The following CR2 variants were observed in gnomAD, a reference collection of about 807,000 sequenced individuals.
The protein encoded by CR2 is complement receptor type 2.
CR2 carries 96 observed loss-of-function variants against 123.0 expected under a neutral mutation model. The observed-to-expected ratio is 0.78, with a 90% CI of 0.66 to 0.93. The LOEUF is 0.93. Ranked by LOEUF, CR2 falls within the 40% of genes least tolerant of loss-of-function variation. CR2 has a pLI of 0.00. For synonymous variants in CR2, 484 were observed against 469.5 expected, an observed-to-expected ratio of 1.03 and a Z score of -0.40; for missense variants, 1,258 against 1,361.0, an observed-to-expected ratio of 0.92 and a Z score of 1.19.
chr1:207,483,477 A>G (rs1400476374), intron 18 of CR2, among the ~76,000 whole-genome samples: 1 of 152,078 alleles, frequency 6.6e-6, no homozygotes, highest in Non-Finnish European at 1.5e-5. Flanking sequence ...AGTGTGTACC[A>G]CACAACCCTG....
At position 207,469,951 on chromosome 1, in the gene CR2, A is replaced by C; in HGVS notation, c.1074A>C (p.Arg358Ser). 1 of 1,613,960 alleles carries C rather than the reference A, an allele frequency of 6.2e-7. No individual in the cohort carries two copies. Among genetic ancestry groups the C allele is most frequent in the East Asian group, 2.2e-5 (1 of 44,866 alleles). The change falls in exon 6 of 20, where the codon AGA becomes AGC. Residue 358 changes from arginine (R) to serine (S), a missense_variant. Transcript: ENST00000367057. ...AGTGTCCACATCCCCAGATCCTAAG[A>C]GGCCGAATGGTATCTGGGCAGAAAG... is the stretch of plus-strand genomic sequence containing the variant. ...AVQCPHPQIL[R>S]GRMVSGQKDR...
At chr1:207,481,602 C>T (rs921205637) in intron 18 of CR2, among the ~76,000 whole-genome samples, 2 of 151,998 alleles carry the variant, frequency 1.3e-5, no homozygotes, top group Non-Finnish European at 2.9e-5. Context: ...ATAGGAAGTG[C>T]CTTAAACCTA....
chr1:207,461,816 C>T (rs1459597713), intron 1 of CR2, among the ~76,000 whole-genome samples: 1 of 152,078 alleles, frequency 6.6e-6, no homozygotes, highest in African/African-American at 2.4e-5. Flanking sequence ...GTAATAGAGG[C>T]ATATTTGGGT....
At chr1:207,471,867 A>G in intron 9 of CR2, 1 of 323,516 alleles carries the variant, frequency 3.1e-6, no homozygotes, top group Non-Finnish European at 6.0e-6. Flanking sequence ...GAGACCTTGG[A>G]CCACTTGTAC....
In CR2 at chr1:207,472,966, C is replaced by G; in HGVS notation, c.1765C>G (p.Pro589Ala). The part of the protein sequence containing the change: ...NDQERGTWSG[P>A]APLCKLSLLA... ...TCAAGAAAGAGGCACCTGGAGTGGC[C>G]CTGCTCCCCTGTGTAAACTTTCCCT... is the stretch of plus-strand genomic sequence containing the variant. The change falls in exon 10 of 20, where the codon CCT (proline) becomes GCT (alanine). Residue 589 changes from proline to alanine, a missense_variant. Physicochemically the swap from Pro to Ala is conservative, Grantham distance 27. Transcript: ENST00000367057. 1 of 1,613,962 alleles carries G rather than the reference C, an allele frequency of 6.2e-7. No homozygotes were observed. The highest frequency in any genetic ancestry group is 8.5e-7 in the Non-Finnish European group (1 of 1,179,912).
rs145694964 is a variant in CR2 at position 207,489,392 on chromosome 1, A to G, written c.*269A>G. On this transcript the variant is annotated 3_prime_UTR_variant, in exon 20 of 20. Coordinates refer to ENST00000367057, the MANE Select transcript of CR2 (RefSeq NM_001006658.3). ...TGAAGCCAGGCCATGGCTATAAACA[A>G]TTACATGGCTCTAAAAAGTTTTGCC... 1.9e-4 allele frequency: 29 copies of G among 152,374 alleles called. No individual in the cohort carries two copies. Among genetic ancestry groups the G allele is most frequent in the African/African-American group, 7.0e-4 (29 of 41,592 alleles). The allele number at this position is 152,374 out of a possible 1,614,324, so 9.4% of individuals were successfully genotyped here. A position where few individuals can be genotyped will look rare whatever the true frequency, so the allele number is the denominator to read the frequency against.
intron 1 of CR2, among the ~76,000 whole-genome samples, chr1:207,456,670 G>T (rs1235473273): frequency 2.0e-5 from 3 of 152,156 alleles, no homozygotes; most frequent in Non-Finnish European, 4.4e-5. Flanking sequence ...AAACAAGAAT[G>T]CTCCCATTTT....
chr1:207,467,448 G>C (rs1286315456), intron 2 of CR2, among the ~76,000 whole-genome samples: 1 of 152,040 alleles, frequency 6.6e-6, no homozygotes. Context: ...TTTGAAAATA[G>C]GGACCTACTG....
chr1:207,456,943 C>T (rs558691175), intron 1 of CR2, among the ~76,000 whole-genome samples: 4 of 152,342 alleles, frequency 2.6e-5, no homozygotes, highest in African/African-American at 9.6e-5. Context: ...GCTCTTCCTA[C>T]AAATTATTCT....
chr1:207,469,759 T>A lies in CR2; in HGVS notation c.882T>A (p.Asn294Lys), dbSNP rs980443479. The A allele has an allele frequency of 6.2e-7, 1 of 1,613,968 alleles. No homozygotes were observed. The highest frequency in any genetic ancestry group is 2.2e-5 in the East Asian group (1 of 44,880). Reference sequence around the variant, plus strand: ...GACATATAGGCAACTCACTAGCAAATGTCTCATATGGAAGCATAGTCACTT... The same window carrying A: ...GACATATAGGCAACTCACTAGCAAAAGTCTCATATGGAAGCATAGTCACTT... Reference protein sequence around the residue: ...NGRHIGNSLANVSYGSIVTYT... With the variant: ...NGRHIGNSLAKVSYGSIVTYT... The change falls in exon 6 of 20, where the codon AAT becomes AAA. Residue 294 changes from asparagine to lysine, a missense_variant. Physicochemically the swap from Asn to Lys is moderately conservative, Grantham distance 94 (BLOSUM62 0). Transcript: ENST00000367057.
Position 207,466,603 on chromosome 1 carries a change from G to A in CR2, c.136G>A (p.Val46Met), listed in dbSNP as rs777733651. ...YYSTPIAVGT[V>M]IRYSCSGTFR... The stretch of plus-strand genomic sequence containing the variant: ...TTCTACCCCCATTGCTGTTGGTACC[G>A]TGATAAGGTACAGTTGTTCAGGTAC... The change falls in exon 2 of 20, where the codon GTG becomes ATG. Residue 46 changes from valine to methionine, a missense_variant. Val to Met is a conservative substitution (Grantham distance 21, BLOSUM62 1). Transcript: ENST00000367057. 18 of 1,613,718 alleles carry A rather than the reference G, an allele frequency of 1.1e-5. No homozygotes were observed. The highest frequency in any genetic ancestry group is 4.5e-5 in the East Asian group (2 of 44,898).
chr1:207,483,681 A>C (rs1467900197), intron 18 of CR2, among the ~76,000 whole-genome samples: 1 of 151,992 alleles, frequency 6.6e-6, no homozygotes, highest in Non-Finnish European at 1.5e-5. Flanking sequence ...AGGCACATAG[A>C]ATGGCTCACA....
Position 207,484,946 on chromosome 1 carries a change from T to C in CR2, c.3189-518T>C, listed in dbSNP as rs73072593. 3.7e-3 allele frequency among the ~76,000 whole-genome samples: 571 copies of C among 152,340 alleles called. 6 individuals carry two copies. The highest frequency in any genetic ancestry group is 0.013 in the African/African-American group (533 of 41,584). On this transcript the variant is annotated intron_variant, in intron 18 of 19. Coordinates refer to ENST00000367057, the MANE Select transcript of CR2 (RefSeq NM_001006658.3). ...GTTGTTAGTCATTAAGCGTCCTGGA[T>C]CCTAGGGTAAAGCTGCTTAGTGTCA...
chr1:207,468,456 A>G lies in CR2; in HGVS notation c.446-71A>G, dbSNP rs180673292. ...TTGCCCAGGGAAGCCAAAAGATTGG[A>G]CCCCCTTGATTCTAGATTGTGAAGG... is the stretch of plus-strand genomic sequence containing the variant. On this transcript the variant is annotated intron_variant, in intron 2 of 19. Coordinates refer to ENST00000367057, the MANE Select transcript of CR2 (RefSeq NM_001006658.3). The G allele has an allele frequency of 3.3e-6, 5 of 1,511,722 alleles. No homozygotes were observed. The East Asian group carries it at 1.1e-4, about 34-fold the overall frequency. 93.6% of individuals were successfully genotyped at this position (1,511,722 alleles called of 1,614,324 possible). A position where few individuals can be genotyped will look rare whatever the true frequency, so the allele number is the denominator to read the frequency against.
At chr1:207,476,166 C>T in intron 14 of CR2, 68 bp from the exon 15 acceptor site, 2 of 1,480,650 alleles carry the variant, frequency 1.4e-6, no homozygotes, top group Non-Finnish European at 1.9e-6. Flanking sequence ...ATCGCTATCA[C>T]CCAGAGATAG....
intron 1 of CR2, among the ~76,000 whole-genome samples, chr1:207,462,836 T>C (rs1558187741): frequency 6.6e-6 from 1 of 152,162 alleles, no homozygotes; most frequent in Non-Finnish European, 1.5e-5. Context: ...GATGATATCA[T>C]AGATTAACAG....
chr1:207,483,656 G>A (rs1343044317), intron 18 of CR2, among the ~76,000 whole-genome samples: 1 of 152,034 alleles, frequency 6.6e-6, no homozygotes, highest in Non-Finnish European at 1.5e-5. Flanking sequence ...TGACATGCTG[G>A]ATGTGGGGAG....
intron 19 of CR2, among the ~76,000 whole-genome samples, chr1:207,488,016 G>T (rs1044117262): frequency 6.6e-6 from 1 of 152,206 alleles, no homozygotes; most frequent in African/African-American, 2.4e-5. Flanking sequence ...CATCAACTAA[G>T]AACTGAAGAC....
At position 207,476,547 on chromosome 1, in the gene CR2, A is replaced by G. The variant is rs975859513; in HGVS notation, c.2902+128A>G. The G allele has an allele frequency of 8.7e-6, 7 of 808,832 alleles. No homozygotes were observed. In the South Asian group the frequency reaches 1.0e-4, roughly 12 times the overall value. 50.1% of individuals were successfully genotyped at this position (808,832 alleles called of 1,614,324 possible). On this transcript the variant is annotated intron_variant, in intron 15 of 19. Transcript: ENST00000367057. ...ACTGTCTGATTACATTAAAGGCTTT[A>G]ATTAGATTAATACAATCATTAAATA...
Sources: gnomAD v4.1 joint callset for allele counts (sites outside exome capture counted in the v4.1 genomes callset) on GRCh38, gnomAD v4.1.1 for gene constraint, MANE v1.5 for transcripts, NCBI Gene and HGNC (gene_info 2026-07-23, HGNC 2026-07-21) for gene names.